GRAMD2A: variants seen among roughly 807,000 people sequenced by gnomAD.
GRAMD2A encodes GRAM domain-containing protein 2A.
GRAMD2A carries 37 observed loss-of-function variants against 51.1 expected under a neutral mutation model. The observed-to-expected ratio is 0.72, with a 90% CI of 0.56 to 0.95. GRAMD2A has a LOEUF of 0.95. Among genes scored for constraint, GRAMD2A ranks in the 40% least tolerant of loss-of-function variants. The pLI is 0.00. For missense variants in GRAMD2A, 414 were observed against 426.9 expected, an observed-to-expected ratio of 0.97 and a Z score of 0.27; for synonymous variants, 136 against 157.1, an observed-to-expected ratio of 0.87 and a Z score of 1.01.
At chr15:72,167,149 G>T in intron 5 of GRAMD2A, 57 bp from the exon 6 acceptor site, 1 of 1,335,550 alleles carries the variant, frequency 7.5e-7, no homozygotes, top group South Asian at 1.2e-5. Context: ...TGGTCCCTTT[G>T]CTCCCTGCCT....
intron 8 of GRAMD2A, among the ~76,000 whole-genome samples, chr15:72,164,255 G>C (rs2081515675): frequency 6.6e-6 from 1 of 152,062 alleles, no homozygotes; most frequent in Non-Finnish European, 1.5e-5. Flanking sequence ...AACACCCCAG[G>C]GTCATTTCTA....
intron 1 of GRAMD2A, among the ~76,000 whole-genome samples, chr15:72,171,491 C>T (rs1189330667): frequency 1.3e-5 from 2 of 152,170 alleles, no homozygotes; most frequent in East Asian, 3.9e-4. Context: ...CCATGTCACT[C>T]ACTGTCCATT....
At chr15:72,179,796 T>C (rs1209127555) in intron 1 of GRAMD2A, among the ~76,000 whole-genome samples, 1 of 152,064 alleles carries the variant, frequency 6.6e-6, no homozygotes, top group Non-Finnish European at 1.5e-5. Context: ...ATCACATCCT[T>C]GAAGGATACC....
chr15:72,162,826 AG>A (rs1328617902), intron 10 of GRAMD2A: 1 of 207,468 alleles, frequency 4.8e-6, no homozygotes, highest in African/African-American at 2.3e-5. Context: ...GAGGGAAAGC[AG>A]GGGCTGGCTG....
At chr15:72,186,581 C>T (rs1054090922) in intron 1 of GRAMD2A, among the ~76,000 whole-genome samples, 9 of 152,140 alleles carry the variant, frequency 5.9e-5, no homozygotes, top group Non-Finnish European at 7.4e-5. Flanking sequence ...CCTTGGCCTC[C>T]CAAAGTGCTG....
In GRAMD2A at chr15:72,161,717, T is replaced by A. The variant is rs2081477730; in HGVS notation, c.*292A>T. ...GACCCAGTTTGTTTGTTTGTTTGTT[T>A]TCTCTAAGTGTTTGCTGAAGCTTTG... On this transcript the variant is annotated 3_prime_UTR_variant, in exon 12 of 12. Coordinates refer to ENST00000309731, the MANE Select transcript of GRAMD2A (RefSeq NM_001012642.3). 2 of 412,320 alleles carry A rather than the reference T, an allele frequency of 4.9e-6. No individual in the cohort carries two copies. The highest frequency in any genetic ancestry group is 5.1e-5 in the South Asian group (2 of 38,918). The allele number at this position is 412,320 out of a possible 1,614,324, so 25.5% of individuals were successfully genotyped here.
At chr15:72,186,515 G>A (rs961643969) in intron 1 of GRAMD2A, among the ~76,000 whole-genome samples, 4 of 152,010 alleles carry the variant, frequency 2.6e-5, no homozygotes, top group Admixed American at 1.3e-4. Flanking sequence ...AGTAGAGACA[G>A]GGTTTCACTG....
intron 1 of GRAMD2A, among the ~76,000 whole-genome samples, chr15:72,173,110 G>A (rs572161765): frequency 2.7e-4 from 41 of 152,294 alleles, no homozygotes; most frequent in African/African-American, 9.9e-4. Flanking sequence ...GAGGCAGGGA[G>A]CCTGTTGCTT....
In GRAMD2A at chr15:72,160,367, G is replaced by A. The variant is rs1297894626; in HGVS notation, c.*1642C>T. 1.3e-5 allele frequency: 2 copies of A among 151,072 alleles called. No homozygotes were observed. The highest frequency in any genetic ancestry group is 2.9e-5 in the Non-Finnish European group (2 of 67,890). 9.4% of individuals were successfully genotyped at this position (151,072 alleles called of 1,614,324 possible). A position where few individuals can be genotyped will look rare whatever the true frequency, so the allele number is the denominator to read the frequency against. ...AAAAAAAAAAAGGATGACCATTCAT[G>A]GAACAGTGAGTTTCACCTGAGACAT... On this transcript the variant is annotated 3_prime_UTR_variant, in exon 12 of 12. Coordinates refer to ENST00000309731, the MANE Select transcript of GRAMD2A (RefSeq NM_001012642.3).
In GRAMD2A at chr15:72,162,285, A is replaced by T. The variant is rs1294861402; in HGVS notation, c.1049T>A (p.Val350Asp). The T allele has an allele frequency of 6.2e-7, 1 of 1,612,544 alleles. No individual in the cohort carries two copies. The highest frequency in any genetic ancestry group is 1.3e-5 in the African/African-American group (1 of 74,906). The change falls in exon 11 of 12, where the codon GTC (valine) becomes GAC (aspartate). Residue 350 changes from valine (V) to aspartate (D), a missense_variant. Val to Asp is a radical substitution (Grantham distance 152). Transcript: ENST00000309731. Reference sequence around the variant, plus strand: ...GAAAAGGCCTCACCTGTGCCCAGGGACTGGGTCATCCCAACTCAAGGAGCA... The same window carrying T: ...GAAAAGGCCTCACCTGTGCCCAGGGTCTGGGTCATCCCAACTCAAGGAGCA... ...QLCSLSWDDP[V>D]PGHR
In GRAMD2A at chr15:72,161,989, G is replaced by A. The variant is rs970951827; in HGVS notation, c.*20C>T. 7 of 1,613,760 alleles carry A rather than the reference G, an allele frequency of 4.3e-6. No individual in the cohort carries two copies. The highest frequency in any genetic ancestry group is 5.1e-6 in the Non-Finnish European group (6 of 1,179,812). The stretch of plus-strand genomic sequence containing the variant: ...AACATTCTTCTTGGAGAAGGAATGG[G>A]GACAAAGGCCAAGTGGCTGTTACCT... On this transcript the variant is annotated 3_prime_UTR_variant, in exon 12 of 12. Coordinates refer to ENST00000309731, the MANE Select transcript of GRAMD2A (RefSeq NM_001012642.3).
chr15:72,197,693 G>A (rs1266127031), intron 1 of GRAMD2A, 38 bp downstream of exon 1: 12 of 1,282,922 alleles, frequency 9.4e-6, no homozygotes, highest in South Asian at 2.2e-5. Flanking sequence ...GCGGCCTCCG[G>A]AACCCCCGAG....
chr15:72,187,829 C>CT (rs1000330873), intron 1 of GRAMD2A, among the ~76,000 whole-genome samples: 4 of 152,108 alleles, frequency 2.6e-5, no homozygotes, highest in Non-Finnish European at 5.9e-5. Flanking sequence ...GCCATAATAT[C>CT]TTTTTTTCCT....
At chr15:72,185,390 C>T (rs2081728422) in intron 1 of GRAMD2A, among the ~76,000 whole-genome samples, 1 of 152,098 alleles carries the variant, frequency 6.6e-6, no homozygotes, top group Non-Finnish European at 1.5e-5. Context: ...GACAGGATTT[C>T]ACCATGTTGG....
chr15:72,166,545 A>G lies in GRAMD2A; in HGVS notation c.543+87T>C, dbSNP rs2081547017. ...CTGCCCCATTCCCTGTGCTGGAGAG[A>G]TGGGCGACCTCCCCCAACACCCTTG... On this transcript the variant is annotated intron_variant, in intron 7 of 11. Transcript: ENST00000309731. The surrounding 1 kb of genome is among the most constrained non-coding windows in gnomAD (Gnocchi z 4.1). 1 of 941,706 alleles carries G rather than the reference A, an allele frequency of 1.1e-6. No individual in the cohort carries two copies. The highest frequency in any genetic ancestry group is 1.3e-5 in the South Asian group (1 of 77,132). The allele number at this position is 941,706 out of a possible 1,614,324, so 58.3% of individuals were successfully genotyped here.
chr15:72,169,875 C>T lies in GRAMD2A; in HGVS notation c.106G>A (p.Asp36Asn). Residue 36 changes from aspartate (D) to asparagine (N), a missense_variant, in exon 2 of 12, where the codon GAC becomes AAC. By Grantham distance (23) the Asp-to-Asn change is conservative (BLOSUM62 1). Coordinates refer to ENST00000309731, the MANE Select transcript of GRAMD2A (RefSeq NM_001012642.3). ...TAGTCCGGGGGCTCCTCAACTCTGTCTGGTTTCTCTTTGCAGGACACAGGA... is the reference window on the plus strand; with the variant it reads ...TAGTCCGGGGGCTCCTCAACTCTGTTTGGTTTCTCTTTGCAGGACACAGGA... ...NSPVSCKEKP[D>N]RVEEPPDYSL... 1 of 1,614,162 alleles carries T rather than the reference C, an allele frequency of 6.2e-7. No individual in the cohort carries two copies. Among genetic ancestry groups the T allele is most frequent in the Non-Finnish European group, 8.5e-7 (1 of 1,179,972 alleles).
At chr15:72,172,527 A>G (rs1233804456) in intron 1 of GRAMD2A, among the ~76,000 whole-genome samples, 1 of 145,216 alleles carries the variant, frequency 6.9e-6, no homozygotes, top group Non-Finnish European at 1.5e-5. Context: ...AGTGATTCTC[A>G]TGCCTCAGCC....
intron 1 of GRAMD2A, among the ~76,000 whole-genome samples, chr15:72,190,890 C>T (rs942175954): frequency 1.1e-4 from 16 of 151,956 alleles, no homozygotes; most frequent in African/African-American, 3.9e-4. Flanking sequence ...TGAGGAAATG[C>T]AAAAAGGAGC....
intron 1 of GRAMD2A, among the ~76,000 whole-genome samples, chr15:72,179,050 C>A (rs1489146199): frequency 6.6e-6 from 1 of 152,180 alleles, no homozygotes; most frequent in Non-Finnish European, 1.5e-5. Flanking sequence ...CCACTCAGCT[C>A]CCCTGGCAGC....
Sources: allele counts gnomAD v4.1 joint callset (sites outside exome capture counted in the v4.1 genomes callset), GRCh38; gene constraint gnomAD v4.1.1; non-coding constraint Gnocchi (gnomAD v3.1); transcripts MANE v1.5; gene names NCBI Gene and HGNC (gene_info 2026-07-23, HGNC 2026-07-21).